ANKAR: variants seen among roughly 807,000 people sequenced by gnomAD.
ANKAR encodes the protein ankyrin and armadillo repeat containing.
A neutral mutation model predicts 146.2 loss-of-function variants in ANKAR; 136 were observed. The ratio of observed to expected loss-of-function variants is 0.93; its 90% CI spans 0.81 to 1.07. The LOEUF is 1.07. ANKAR is among the 50% of genes least tolerant of loss of function. ANKAR has a pLI of 0.00. For missense variants in ANKAR, 1,567 were observed against 1,679.9 expected (o/e 0.93, Z 1.18); for synonymous variants, 500 against 575.8 (o/e 0.87, Z 1.88).
intron 18 of ANKAR, among the ~76,000 whole-genome samples, chr2:189,760,654 G>A (rs1465315117): frequency 6.6e-6 from 1 of 151,824 alleles, no homozygotes; most frequent in Middle Eastern, 3.2e-3. Context: ...AGCTGGGCGT[G>A]GTGGCACGTG....
At chr2:189,675,728 A>AT (rs1037176090) in intron 1 of ANKAR, among the ~76,000 whole-genome samples, 1 of 152,120 alleles carries the variant, frequency 6.6e-6, no homozygotes, top group African/African-American at 2.4e-5. Context: ...TGATTTGGAT[A>AT]TTTATCCCCT....
At chr2:189,732,833 C>T (rs1367059762) in intron 16 of ANKAR, among the ~76,000 whole-genome samples, 1 of 152,044 alleles carries the variant, frequency 6.6e-6, no homozygotes, top group African/African-American at 2.4e-5. Context: ...TCCTTACATG[C>T]TCTGCTCGCC....
chr2:189,733,342 G>T (rs537378837), intron 17 of ANKAR, 113 bp downstream of exon 17: 2 of 934,432 alleles, frequency 2.1e-6, no homozygotes, highest in East Asian at 5.6e-5. Flanking sequence ...TTTAAGAAAA[G>T]ACATGTAAAA....
In ANKAR at chr2:189,705,025, C is replaced by A; in HGVS notation, c.1711C>A (p.Pro571Thr). Residue 571 changes from proline to threonine, a missense_variant and splice_region_variant, in exon 8 of 23, where the codon CCA becomes ACA. Physicochemically the swap from Pro to Thr is conservative, Grantham distance 38. Transcript: ENST00000684021. ...QRRFVTFSQG[P>T]TPLHLAAQAC... ...AAGTAATTGTCCATCCATTCTAGGT[C>A]CAACACCTCTACACCTTGCTGCACA... is the stretch of plus-strand genomic sequence containing the variant. The A allele has an allele frequency of 6.2e-7, 1 of 1,613,716 alleles. No homozygotes were observed. Among genetic ancestry groups the A allele is most frequent in the Non-Finnish European group, 8.5e-7 (1 of 1,179,904 alleles).
At chr2:189,695,682 A>G (rs1559075495) in intron 6 of ANKAR, among the ~76,000 whole-genome samples, 2 of 152,184 alleles carry the variant, frequency 1.3e-5, no homozygotes, top group African/African-American at 4.8e-5. Flanking sequence ...TTAGACTGGT[A>G]TTTACTTTCC....
chr2:189,729,369 C>A (rs1204124890), intron 15 of ANKAR, among the ~76,000 whole-genome samples: 1 of 152,128 alleles, frequency 6.6e-6, no homozygotes. Flanking sequence ...CTGCTTCTTG[C>A]AAACAAGAGG....
At chr2:189,722,138 C>A (rs1009628277) in intron 12 of ANKAR, among the ~76,000 whole-genome samples, 1 of 151,930 alleles carries the variant, frequency 6.6e-6, no homozygotes, top group Non-Finnish European at 1.5e-5. Flanking sequence ...GTCAGGAGTT[C>A]GAGACTGCCT....
chr2:189,690,067 C>A, intron 3 of ANKAR, 103 bp downstream of exon 3: 1 of 728,770 alleles, frequency 1.4e-6, no homozygotes, highest in Non-Finnish European at 2.0e-6. Context: ...AGTAACCTAG[C>A]TATAACCTGT....
chr2:189,751,664 C>T (rs1008083318), intron 18 of ANKAR, among the ~76,000 whole-genome samples: 3 of 150,800 alleles, frequency 2.0e-5, no homozygotes, highest in Admixed American at 2.0e-4. Context: ...AGGCTGGTCT[C>T]GAACTCCTAA....
intron 18 of ANKAR, among the ~76,000 whole-genome samples, chr2:189,756,876 C>T (rs2046167721): frequency 6.6e-6 from 1 of 152,190 alleles, no homozygotes; most frequent in Non-Finnish European, 1.5e-5. Flanking sequence ...TATTCCCCTA[C>T]TCAAAACCTT....
intron 12 of ANKAR, among the ~76,000 whole-genome samples, chr2:189,723,460 A>G (rs2041532038): frequency 1.3e-5 from 2 of 152,182 alleles, no homozygotes; most frequent in African/African-American, 4.8e-5. Flanking sequence ...AAACTCAAAT[A>G]TGTAACAAAA....
chr2:189,759,253 CT>C lies in ANKAR; in HGVS notation c.*585-1832del, dbSNP rs111345865. 5.4e-3 allele frequency among the ~76,000 whole-genome samples: 773 copies of C among 144,312 alleles called. 3 individuals are homozygous for C. Among genetic ancestry groups the C allele is most frequent in the African/African-American group, 0.012 (472 of 39,612 alleles). The allele number at this position is 144,312 out of a possible 152,430, so 94.7% of individuals were successfully genotyped here. On this transcript the variant is annotated intron_variant and NMD_transcript_variant, in intron 18 of 18. Transcript: ENST00000441800. Reference sequence around the variant, plus strand: ...TTCTATGAGGCAGATGTTAATTTTCCTTTTTTTTTTTTTGAGACAGACTCTC... The same window carrying C: ...TTCTATGAGGCAGATGTTAATTTTCCTTTTTTTTTTTTGAGACAGACTCTC...
In ANKAR at chr2:189,727,492, C is replaced by T. The variant is rs191909318; in HGVS notation, c.2636-364C>T. Among the ~76,000 whole-genome samples, 139 of 128,008 alleles carry T rather than the reference C, an allele frequency of 1.1e-3. 1 individual carries two copies. The highest frequency in any genetic ancestry group is 4.6e-3 in the Admixed American group (49 of 10,654). The allele number at this position is 128,008 out of a possible 152,430, so 84.0% of individuals were successfully genotyped here. A position where few individuals can be genotyped will look rare whatever the true frequency, so the allele number is the denominator to read the frequency against. On this transcript the variant is annotated intron_variant, in intron 12 of 22. Transcript: ENST00000684021. ...CTGAGATCACACACACCACTGCACTCCAGCCTGGGTGATAGAGCCAAACCT... is the reference window on the plus strand; with the variant it reads ...CTGAGATCACACACACCACTGCACTTCAGCCTGGGTGATAGAGCCAAACCT...
chr2:189,749,411 C>T (rs2044744441), downstream of ANKAR, among the ~76,000 whole-genome samples: 1 of 149,828 alleles, frequency 6.7e-6, no homozygotes, highest in Non-Finnish European at 1.5e-5. Flanking sequence ...CTATAAAAAT[C>T]GAAATAAAAA....
At position 189,737,815 on chromosome 2, in the gene ANKAR, A is replaced by G. The variant is rs749752703; in HGVS notation, c.3556A>G (p.Thr1186Ala). Residue 1186 changes from threonine (T) to alanine (A), a missense_variant, in exon 18 of 23, where the codon ACT becomes GCT. Transcript: ENST00000684021. ...FERFLESTVE[T>A]EKAMAAFQIV... is the part of the protein sequence containing the mutation. The stretch of plus-strand genomic sequence containing the variant: ...ACGTTTTCTTGAATCAACAGTTGAA[A>G]CTGAGAAGGCAATGGCAGCATTTCA... The G allele has an allele frequency of 6.4e-7, 1 of 1,573,498 alleles. No homozygotes were observed. Among genetic ancestry groups the G allele is most frequent in the South Asian group, 1.2e-5 (1 of 83,056 alleles).
chr2:189,748,350 C>G (rs2044491719), downstream of ANKAR, among the ~76,000 whole-genome samples: 1 of 152,172 alleles, frequency 6.6e-6, no homozygotes, highest in Admixed American at 6.6e-5. Flanking sequence ...GCTACAGGTT[C>G]TCAGTCTTTG....
chr2:189,738,977 C>T (rs997541463), intron 19 of ANKAR, among the ~76,000 whole-genome samples: 3 of 152,074 alleles, frequency 2.0e-5, no homozygotes, highest in East Asian at 3.9e-4. Context: ...TCACCTATGA[C>T]CTACAAACAG....
rs201140442 is a variant in ANKAR at position 189,705,049 on chromosome 2, C to T, written c.1735C>T (p.Gln579Ter). The T allele has an allele frequency of 3.1e-6, 5 of 1,614,016 alleles. No individual in the cohort carries two copies. Among genetic ancestry groups the T allele is most frequent in the Non-Finnish European group, 3.4e-6 (4 of 1,179,996 alleles). The change falls in exon 8 of 23, where the codon CAG becomes TAG. Residue 579 changes from glutamine to a stop codon, truncating the protein, a stop_gained. Coordinates refer to ENST00000684021, the MANE Select transcript of ANKAR (RefSeq NM_001378068.1). LOFTEE classifies it high-confidence loss of function. ...TCCAACACCTCTACACCTTGCTGCA[C>T]AGGCTTGCTCATTAGAAACAACAGT... Reference protein sequence around the residue: ...QGPTPLHLAAQACSLETTVCL... With the variant: ...QGPTPLHLAA
intron 7 of ANKAR, among the ~76,000 whole-genome samples, chr2:189,703,980 C>A (rs1011889604): frequency 1.8e-4 from 27 of 152,066 alleles, no homozygotes; most frequent in African/African-American, 6.5e-4. Flanking sequence ...TTGGGGATTA[C>A]AATTCGAGAT....
Sources: allele counts gnomAD v4.1 joint callset (sites outside exome capture counted in the v4.1 genomes callset), GRCh38; gene constraint gnomAD v4.1.1; transcripts MANE v1.5; gene names NCBI Gene and HGNC (gene_info 2026-07-23, HGNC 2026-07-21).